The following RBFOX1 variants were observed in gnomAD, a reference collection of about 807,000 sequenced individuals.
The protein encoded by RBFOX1 is RNA binding fox-1 homolog 1, also known as RNA binding protein fox-1 homolog 1.
In RBFOX1, 8 loss-of-function variants were observed where a neutral mutation model predicts 57.7. The ratio of observed to expected loss-of-function variants is 0.14; its 90% confidence interval spans 0.08 to 0.25. The LOEUF (loss-of-function observed/expected upper bound fraction) is 0.25. RBFOX1 is among the 10% of genes least tolerant of loss of function. The pLI is 1.00. For missense variants in RBFOX1, 611 were observed against 548.5 expected (o/e 1.11, Z -1.14); for synonymous variants, 326 against 222.4 (o/e 1.47, Z -4.15).
chr16:6,448,156 CTT>C (rs397969435), intron 2 of RBFOX1, among the ~76,000 whole-genome samples: 2 of 78,456 alleles, frequency 2.5e-5, no homozygotes, highest in East Asian at 4.6e-4. Context: ...TCTTTTCTTT[CTT>C]TTTTTTTTTT....
intron 4 of RBFOX1, among the ~76,000 whole-genome samples, chr16:7,253,791 T>C (rs927956209): frequency 2.6e-5 from 4 of 152,152 alleles, no homozygotes; most frequent in Non-Finnish European, 5.9e-5. Flanking sequence ...GAGTTCATGA[T>C]GGGAAGGAAT....
At chr16:5,862,314 G>A (rs990289492) in intron 3 of RBFOX1, among the ~76,000 whole-genome samples, 3 of 152,180 alleles carry the variant, frequency 2.0e-5, no homozygotes, top group African/African-American at 4.8e-5. Flanking sequence ...TTCCCGGTCC[G>A]GCACCGTGGT....
intron 4 of RBFOX1, among the ~76,000 whole-genome samples, chr16:7,058,736 T>C (rs1310904887): frequency 6.6e-6 from 1 of 152,242 alleles, no homozygotes; most frequent in African/African-American, 2.4e-5. Flanking sequence ...CATTAACTTT[T>C]ATGTGTGACT....
At chr16:6,169,939 AT>A (rs574617646) in intron 1 of RBFOX1, among the ~76,000 whole-genome samples, 1 of 150,854 alleles carries the variant, frequency 6.6e-6, no homozygotes, top group Non-Finnish European at 1.5e-5. Flanking sequence ...TAGTTTTTGT[AT>A]TTTTTTTTAG....
chr16:5,902,545 A>T (rs556832417), intron 4 of RBFOX1, among the ~76,000 whole-genome samples: 1 of 152,126 alleles, frequency 6.6e-6, no homozygotes, highest in Admixed American at 6.5e-5. Context: ...CCACCCGAGT[A>T]GCTGGGATTG....
At chr16:5,664,681 C>T (rs911610744) in intron 3 of RBFOX1, among the ~76,000 whole-genome samples, 3 of 152,182 alleles carry the variant, frequency 2.0e-5, no homozygotes, top group African/African-American at 7.2e-5. Context: ...AGTAAATGTG[C>T]TTTGAGTATC....
chr16:5,366,995 A>C (rs748459110), intron 1 of RBFOX1, among the ~76,000 whole-genome samples: 2 of 152,248 alleles, frequency 1.3e-5, no homozygotes, highest in Non-Finnish European at 2.9e-5. Flanking sequence ...AAAACTCAGT[A>C]TTTTAATAAA....
At chr16:6,228,525 C>G (rs1422270618) in intron 1 of RBFOX1, among the ~76,000 whole-genome samples, 1 of 151,992 alleles carries the variant, frequency 6.6e-6, no homozygotes, top group Non-Finnish European at 1.5e-5. Flanking sequence ...TATGGTTGAA[C>G]CTGGAGGACA....
At chr16:5,640,833 G>GCACACACA (rs142919715) in intron 3 of RBFOX1, among the ~76,000 whole-genome samples, 2 of 142,658 alleles carry the variant, frequency 1.4e-5, no homozygotes, top group African/African-American at 5.3e-5. Flanking sequence ...ACACATACAT[G>GCACACACA]CACACACACA....
intron 2 of RBFOX1, among the ~76,000 whole-genome samples, chr16:6,645,695 A>C (rs376528537): frequency 2.6e-5 from 4 of 152,182 alleles, no homozygotes; most frequent in Admixed American, 1.3e-4. Context: ...TAAGTTCTCA[A>C]TGCTTCAATC....
intron 1 of RBFOX1, chr16:6,092,316 G>C (rs1164762553): frequency 6.6e-6 from 1 of 152,184 alleles, no homozygotes; most frequent in African/African-American, 2.4e-5. Context: ...TGAGGATGGT[G>C]AAACTGAGAG....
chr16:6,119,431 A>G (rs1366793475), intron 1 of RBFOX1, among the ~76,000 whole-genome samples: 2 of 152,300 alleles, frequency 1.3e-5, no homozygotes, highest in East Asian at 3.9e-4. Context: ...CTTAGTTGAG[A>G]AGGCATTTGC....
chr16:7,016,115 C>T (rs753701675), intron 3 of RBFOX1, among the ~76,000 whole-genome samples: 4 of 152,284 alleles, frequency 2.6e-5, no homozygotes, highest in Non-Finnish European at 4.4e-5. Flanking sequence ...AAGTTCATCA[C>T]TTCTGGGACA....
intron 1 of RBFOX1, among the ~76,000 whole-genome samples, chr16:5,324,189 G>A (rs2064494969): frequency 6.6e-6 from 1 of 152,210 alleles, no homozygotes. Flanking sequence ...TCTGCTGGGT[G>A]CTGTGGCTCA....
intron 1 of RBFOX1, among the ~76,000 whole-genome samples, chr16:6,283,243 C>G: frequency 6.6e-6 from 1 of 152,132 alleles, no homozygotes; most frequent in East Asian, 1.9e-4. Context: ...GGGAGGATCG[C>G]TTGAACCCCG....
chr16:6,905,131 A>G (rs1428318297), intron 3 of RBFOX1, among the ~76,000 whole-genome samples: 1 of 152,290 alleles, frequency 6.6e-6, no homozygotes, highest in East Asian at 1.9e-4. Flanking sequence ...GTTTTGCAGC[A>G]TTAGCATTTT....
chr16:6,079,810 TG>T (rs1347116064), intron 1 of RBFOX1, among the ~76,000 whole-genome samples: 3 of 152,182 alleles, frequency 2.0e-5, no homozygotes, highest in Non-Finnish European at 4.4e-5. Flanking sequence ...CACTCCAGCC[TG>T]GGCAACAAAG....
intron 4 of RBFOX1, among the ~76,000 whole-genome samples, chr16:7,172,128 G>C (rs1056237786): frequency 3.9e-5 from 6 of 152,106 alleles, no homozygotes; most frequent in Admixed American, 3.3e-4. Context: ...AATTAGATAA[G>C]TTATAAATGA....
intron 3 of RBFOX1, among the ~76,000 whole-genome samples, chr16:5,730,822 TCAC>T (rs1183721885): frequency 2.6e-5 from 4 of 152,256 alleles, no homozygotes; most frequent in Admixed American, 6.5e-5. Flanking sequence ...ACTGCCATTG[TCAC>T]CACCATTATC....
Sources: gnomAD v4.1 joint callset for allele counts (sites outside exome capture counted in the v4.1 genomes callset) on GRCh38, gnomAD v4.1.1 for gene constraint, MANE v1.5 for transcripts, NCBI Gene and HGNC (gene_info 2026-07-23, HGNC 2026-07-21) for gene names.